MTREX: variants seen among roughly 807,000 people sequenced by gnomAD.
The protein encoded by MTREX is Mtr4 exosome RNA helicase, also known as exosome RNA helicase MTR4.
A neutral mutation model predicts 135.4 loss-of-function variants in MTREX; 76 were observed. The observed-to-expected ratio is 0.56, with a 90% CI of 0.47 to 0.68. MTREX has a LOEUF of 0.68. MTREX is among the 30% of genes least tolerant of loss of function. The pLI is 0.00. For synonymous variants in MTREX, 404 were observed against 401.6 expected, an observed-to-expected ratio of 1.01 and a Z score of -0.07; for missense variants, 920 against 1,262.1, an observed-to-expected ratio of 0.73 and a Z score of 4.11.
chr5:55,404,349 AG>A (rs1353745602), intron 21 of MTREX, among the ~76,000 whole-genome samples: 2 of 152,220 alleles, frequency 1.3e-5, no homozygotes, highest in Admixed American at 6.5e-5. Flanking sequence ...TCTACTCTAA[AG>A]GATGACATCA....
chr5:55,343,312 ATATATT>A lies in MTREX; in HGVS notation c.782-15_782-10del, dbSNP rs1749680636. On this transcript the variant is annotated splice_polypyrimidine_tract_variant and intron_variant, in intron 7 of 26. Coordinates refer to ENST00000230640, the MANE Select transcript of MTREX (RefSeq NM_015360.5). ...CTGTAGTCCAACTATAGTCCAAAGT[ATATATT>A]TATTTTTTTCAGAACGTGGTGTAGT... The A allele has an allele frequency of 6.3e-7, 1 of 1,596,282 alleles. No homozygotes were observed.
chr5:55,385,261 A>C (rs796474793), intron 18 of MTREX, among the ~76,000 whole-genome samples: 10 of 152,170 alleles, frequency 6.6e-5, no homozygotes, highest in African/African-American at 2.4e-4. Flanking sequence ...GCCTCTCCCA[A>C]CATGGACCCA....
At chr5:55,334,947 C>T (rs1025589421) in intron 5 of MTREX, among the ~76,000 whole-genome samples, 1 of 151,946 alleles carries the variant, frequency 6.6e-6, no homozygotes, top group African/African-American at 2.4e-5. Flanking sequence ...GTGGCTGTAC[C>T]ATTTTATATT....
chr5:55,345,230 A>G (rs748968181), intron 10 of MTREX, 34 bp downstream of exon 10: 10 of 1,356,702 alleles, frequency 7.4e-6, no homozygotes, highest in Non-Finnish European at 1.1e-5. Flanking sequence ...AGAATTTTAC[A>G]TGTAAATTGT....
intron 1 of MTREX, among the ~76,000 whole-genome samples, chr5:55,313,439 C>CA (rs780234061): frequency 1.4e-4 from 21 of 151,024 alleles, no homozygotes; most frequent in African/African-American, 2.4e-4. Context: ...AGACATGTCT[C>CA]AAAAAAAAGA....
At chr5:55,315,344 C>T (rs890160359) in intron 1 of MTREX, among the ~76,000 whole-genome samples, 3 of 152,080 alleles carry the variant, frequency 2.0e-5, no homozygotes, top group Non-Finnish European at 2.9e-5. Flanking sequence ...TTAATAAAGT[C>T]ACGTTTGTCG....
chr5:55,327,676 A>G, intron 3 of MTREX, 40 bp from the exon 4 acceptor site: 1 of 1,486,908 alleles, frequency 6.7e-7, no homozygotes, highest in Non-Finnish European at 9.4e-7. Flanking sequence ...GTTCTCAAAT[A>G]GTTGGTGAGG....
chr5:55,344,302 G>C (rs960101303), intron 8 of MTREX, among the ~76,000 whole-genome samples: 8 of 152,270 alleles, frequency 5.3e-5, no homozygotes, highest in Non-Finnish European at 1.2e-4. Context: ...TTTAGCCCTG[G>C]TTAGGGAATT....
At chr5:55,338,808 T>TTTTG (rs1749596708) in intron 5 of MTREX, among the ~76,000 whole-genome samples, 1 of 146,700 alleles carries the variant, frequency 6.8e-6, no homozygotes, top group Non-Finnish European at 1.5e-5. Context: ...TTTTTTTTTT[T>TTTTG]GAGACACAGT....
rs376060127 is a variant in MTREX at position 55,376,915 on chromosome 5, A to C, written c.1811-1399A>C. On this transcript the variant is annotated intron_variant, in intron 16 of 26. Transcript: ENST00000230640. ...TGAAACCCCCGTCTCTACTAAAAAT[A>C]CAAGAATTAGCTGGGCATGGTGTGG... Among the ~76,000 whole-genome samples, 4 of 151,556 alleles carry C rather than the reference A, an allele frequency of 2.6e-5. No homozygotes were observed. The South Asian group carries it at 8.3e-4, about 31-fold the overall frequency.
chr5:55,340,215 CGTTTTT>C, intron 6 of MTREX, 31 bp downstream of exon 6: 1 of 1,455,720 alleles, frequency 6.9e-7, no homozygotes. Flanking sequence ...TCTGACTTTT[CGTTTTT>C]AATTAAATTA....
intron 1 of MTREX, among the ~76,000 whole-genome samples, chr5:55,313,148 C>A (rs1459482444): frequency 2.0e-5 from 3 of 151,864 alleles, no homozygotes; most frequent in Non-Finnish European, 4.4e-5. Flanking sequence ...TGAAAATCCT[C>A]ATTCCTAGGC....
intron 21 of MTREX, among the ~76,000 whole-genome samples, chr5:55,400,771 T>G (rs1472938795): frequency 6.6e-6 from 1 of 152,216 alleles, no homozygotes; most frequent in African/African-American, 2.4e-5. Context: ...CTTCAGAACA[T>G]TCTTCTCACC....
At chr5:55,312,432 T>C (rs1252259890) in intron 1 of MTREX, among the ~76,000 whole-genome samples, 2 of 152,150 alleles carry the variant, frequency 1.3e-5, no homozygotes, top group Non-Finnish European at 2.9e-5. Context: ...TTTAATCTTA[T>C]TGGGGTATAA....
In MTREX at chr5:55,405,491, G is replaced by C. The variant is rs770781557; in HGVS notation, c.2548G>C (p.Glu850Gln). Residue 850 changes from glutamate (E) to glutamine (Q), a missense_variant, in exon 22 of 27, where the codon GAA becomes CAA. By Grantham distance (29) the Glu-to-Gln change is conservative. Coordinates refer to ENST00000230640, the MANE Select transcript of MTREX (RefSeq NM_015360.5). Reference protein sequence around the residue: ...KKARTVLQMDELKCRKRVLRR... With the variant: ...KKARTVLQMDQLKCRKRVLRR... ...AGCAAGAACAGTCCTACAAATGGAT[G>C]AACTCAAATGTCGCAAACGTGTTTT... 17 of 1,613,906 alleles carry C rather than the reference G, an allele frequency of 1.1e-5. No homozygotes were observed. In the South Asian group the frequency reaches 1.9e-4, roughly 18 times the overall value.
intron 1 of MTREX, among the ~76,000 whole-genome samples, chr5:55,308,396 C>T (rs1011739401): frequency 6.6e-6 from 1 of 152,012 alleles, no homozygotes; most frequent in Admixed American, 6.6e-5. Context: ...GTTACTGATT[C>T]TGTCCCCATC....
At chr5:55,417,630 C>T (rs527610325) in intron 25 of MTREX, among the ~76,000 whole-genome samples, 6 of 152,232 alleles carry the variant, frequency 3.9e-5, no homozygotes, top group South Asian at 4.2e-4. Flanking sequence ...AGGGATGTTG[C>T]GTACTCACTG....
intron 16 of MTREX, among the ~76,000 whole-genome samples, chr5:55,372,938 G>GTT (rs1403817160): frequency 8.9e-5 from 13 of 146,836 alleles, no homozygotes; most frequent in South Asian, 6.5e-4. Flanking sequence ...GTGTGTGTGT[G>GTT]TGTGTTTGTC....
intron 21 of MTREX, among the ~76,000 whole-genome samples, chr5:55,404,197 T>G (rs1294189035): frequency 6.6e-6 from 1 of 152,198 alleles, no homozygotes; most frequent in African/African-American, 2.4e-5. Flanking sequence ...ATCTTCGGAT[T>G]TCAACTTATC....
Sources: gnomAD v4.1 joint callset for allele counts (sites outside exome capture counted in the v4.1 genomes callset) on GRCh38, gnomAD v4.1.1 for gene constraint, MANE v1.5 for transcripts, NCBI Gene and HGNC (gene_info 2026-07-23, HGNC 2026-07-21) for gene names.